The following ACER1 variants were observed in gnomAD, a reference collection of about 807,000 sequenced individuals.
ACER1 encodes the protein CTB-180A7.3.
ACER1 carries 28 observed loss-of-function variants against 24.9 expected under a neutral mutation model. The ratio of observed to expected loss-of-function variants is 1.13; its 90% CI spans 0.83 to 1.54. The LOEUF is 1.54. ACER1 is among the 40% of genes most tolerant of loss of function. The pLI is 0.00. For synonymous variants in ACER1, 132 were observed against 131.4 expected (o/e 1.00, Z -0.03); for missense variants, 352 against 349.3 (o/e 1.01, Z -0.06).
intron 1 of ACER1, 81 bp from the exon 2 acceptor site, chr19:6,312,580 A>C (rs1054942294): frequency 3.7e-4 from 406 of 1,099,080 alleles, no homozygotes; most frequent in East Asian, 4.4e-4. Context: ...ACACTCAGTC[A>C]CCAGCCAGTC....
chr19:6,314,236 G>A (rs2091593443), intron 1 of ACER1, among the ~76,000 whole-genome samples: 1 of 151,962 alleles, frequency 6.6e-6, no homozygotes, highest in African/African-American at 2.4e-5. Context: ...TTGGGAGGCT[G>A]AGGCAGGCAG....
chr19:6,336,377 A>G (rs2091714232), upstream of ACER1, among the ~76,000 whole-genome samples: 1 of 152,210 alleles, frequency 6.6e-6, no homozygotes, highest in African/African-American at 2.4e-5. Flanking sequence ...ACCATAGGTC[A>G]CACAGTTAGG....
chr19:6,325,094 GCT>G (rs1440465997), intron 1 of ACER1, among the ~76,000 whole-genome samples: 1 of 151,956 alleles, frequency 6.6e-6, no homozygotes, highest in African/African-American at 2.4e-5. Flanking sequence ...ACCCTTCCTG[GCT>G]CTCTCTGCCC....
chr19:6,340,582 G>A, the ACER1 span, among the ~76,000 whole-genome samples: 3 of 152,168 alleles, frequency 2.0e-5, no homozygotes, highest in African/African-American at 7.2e-5. Flanking sequence ...CTGTGTGTGG[G>A]TGGAGCAGAT....
At chr19:6,330,072 C>G (rs1045227509) in intron 1 of ACER1, among the ~76,000 whole-genome samples, 31 of 151,596 alleles carry the variant, frequency 2.0e-4, no homozygotes, top group African/African-American at 7.0e-4. Flanking sequence ...GGGGTTTCAC[C>G]GTGTTAGCCA....
chr19:6,312,407 G>C lies in ACER1; in HGVS notation c.186C>G (p.Val62=), dbSNP rs771772919. The change falls in exon 2 of 6, where the codon GTC becomes GTG. Residue 62 remains valine (V), a synonymous_variant. Coordinates refer to ENST00000301452, the MANE Select transcript of ACER1 (RefSeq NM_133492.3). The part of the protein sequence containing the change: ...AQKRSRYIYV[V]WVLFMIIGLF... ...TACCTATGATCATGAAGAGGACCCA[G>C]ACAACGTAAATGTAGCGGGAGCGCT... is the stretch of plus-strand genomic sequence containing the variant. The C allele has an allele frequency of 5.0e-6, 8 of 1,613,922 alleles. No individual in the cohort carries two copies. The highest frequency in any genetic ancestry group is 2.2e-5 in the South Asian group (2 of 91,078).
At chr19:6,326,720 C>T (rs1164328716) in intron 1 of ACER1, among the ~76,000 whole-genome samples, 1 of 152,084 alleles carries the variant, frequency 6.6e-6, no homozygotes, top group Non-Finnish European at 1.5e-5. Flanking sequence ...CTCTTACAAC[C>T]TGGGGACACC....
chr19:6,326,120 ATTTTT>A (rs961518968), intron 1 of ACER1, among the ~76,000 whole-genome samples: 2 of 97,270 alleles, frequency 2.1e-5, no homozygotes, highest in African/African-American at 7.8e-5. Flanking sequence ...ATGCTCAGCT[ATTTTT>A]TTTTTTTTTT....
At chr19:6,335,392 T>C (rs997982854), upstream of ACER1, among the ~76,000 whole-genome samples, 10 of 151,694 alleles carry the variant, frequency 6.6e-5, no homozygotes, top group African/African-American at 2.4e-4. Flanking sequence ...GCCCAGCTAA[T>C]TTTTGTATTT....
chr19:6,326,828 G>A (rs573656087), intron 1 of ACER1, among the ~76,000 whole-genome samples: 6 of 151,740 alleles, frequency 4.0e-5, no homozygotes, highest in South Asian at 2.1e-4. Flanking sequence ...CACAGGATAC[G>A]TTTCCAACAT....
chr19:6,308,597 G>A (rs879845161), intron 4 of ACER1, among the ~76,000 whole-genome samples: 2 of 152,154 alleles, frequency 1.3e-5, no homozygotes, highest in African/African-American at 4.8e-5. Context: ...TGACTGCATA[G>A]TATTTATTCT....
chr19:6,309,513 A>C (rs189202808), intron 4 of ACER1, among the ~76,000 whole-genome samples, 184 bp downstream of exon 4: 2 of 151,932 alleles, frequency 1.3e-5, no homozygotes, highest in African/African-American at 4.8e-5. Flanking sequence ...CAGAGCGAGG[A>C]TCCGTCTCAA....
chr19:6,355,506 C>T, the ACER1 span, among the ~76,000 whole-genome samples: 3 of 151,454 alleles, frequency 2.0e-5, no homozygotes, highest in Non-Finnish European at 4.4e-5. Flanking sequence ...AGCCCCTCTG[C>T]CCAGCAGCCA....
chr19:6,324,075 C>T (rs10406401), intron 1 of ACER1, among the ~76,000 whole-genome samples: 49,881 of 151,938 alleles, frequency 0.33, 14,004 homozygotes, highest in African/African-American at 0.76. Context: ...GACCAAGTCT[C>T]GCTGTGTCAC....
chr19:6,312,045 C>A, intron 3 of ACER1, 104 bp downstream of exon 3: 1 of 1,438,022 alleles, frequency 7.0e-7, no homozygotes, highest in Non-Finnish European at 9.3e-7. Flanking sequence ...CCAAGGGCCC[C>A]AAAGAGGGTC....
chr19:6,349,093 AGAAGAAGAG>A, the ACER1 span, among the ~76,000 whole-genome samples: 1 of 150,512 alleles, frequency 6.6e-6, no homozygotes, highest in African/African-American at 2.5e-5. Flanking sequence ...GGAGGAAGAA[AGAAGAAGAG>A]GAAGAAGAGG....
chr19:6,335,224 C>CTTTT (rs146932699), upstream of ACER1, among the ~76,000 whole-genome samples: 10 of 102,230 alleles, frequency 9.8e-5, no homozygotes, highest in African/African-American at 2.3e-4. Flanking sequence ...ATTTAACGTT[C>CTTTT]TTTTTTTTTT....
chr19:6,343,816 C>T, the ACER1 span: 2 of 152,200 alleles, frequency 1.3e-5, no homozygotes, highest in African/African-American at 4.8e-5. Flanking sequence ...CTTTAAACCA[C>T]AACAGGCTGC....
the ACER1 span, among the ~76,000 whole-genome samples, chr19:6,340,426 CAT>C: frequency 1.3e-5 from 2 of 152,082 alleles, no homozygotes; most frequent in African/African-American, 4.8e-5. Context: ...CCTCCACAAA[CAT>C]ACACCATTTA....
Sources: allele counts gnomAD v4.1 joint callset (sites outside exome capture counted in the v4.1 genomes callset), GRCh38; gene constraint gnomAD v4.1.1; transcripts MANE v1.5; gene names NCBI Gene and HGNC (gene_info 2026-07-23, HGNC 2026-07-21).